PPIP5K2: variants seen among roughly 807,000 people sequenced by gnomAD.
PPIP5K2 encodes diphosphoinositol pentakisphosphate kinase 2.
A neutral mutation model predicts 154.6 loss-of-function variants in PPIP5K2; 105 were observed. That is an observed-to-expected ratio of 0.68 (90% CI 0.58 to 0.80). The LOEUF is 0.80. Ranked by LOEUF, PPIP5K2 falls within the 30% of genes least tolerant of loss-of-function variation. The probability of loss-of-function intolerance (pLI) is 0.00; values close to 1 mark genes in which losing one functional copy is unlikely to be tolerated. For missense variants in PPIP5K2, 992 were observed against 1,504.6 expected, an observed-to-expected ratio of 0.66 and a Z score of 5.64; for synonymous variants, 480 against 490.3, an observed-to-expected ratio of 0.98 and a Z score of 0.28.
At chr5:103,177,018 T>G in intron 21 of PPIP5K2, 1 of 732,688 alleles carries the variant, frequency 1.4e-6, no homozygotes, top group East Asian at 3.1e-5. Context: ...ATGAACTATA[T>G]GATGGTGGGA....
In PPIP5K2 at chr5:103,153,868, T is replaced by C; in HGVS notation, c.1151T>C (p.Ile384Thr). 6.2e-7 allele frequency: 1 copy of C among 1,605,280 alleles called. No homozygotes were observed. The highest frequency in any genetic ancestry group is 1.1e-5 in the South Asian group (1 of 89,636). The change falls in exon 11 of 31, where the codon ATA becomes ACA. Residue 384 changes from isoleucine to threonine, a missense_variant. Around this residue, in one of 9 missense-constraint regions of PPIP5K2, gnomAD observed 163 missense variants for 285.2 expected, o/e 0.57. Coordinates refer to ENST00000358359, the MANE Select transcript of PPIP5K2 (RefSeq NM_001276277.3). ...TTTAGGATGGAACTTAGATGTGTCA[T>C]AGCTGTTATACGTCATGGGGATCGA... Reference protein sequence around the residue: ...SGTMMELRCVIAVIRHGDRTP... With the variant: ...SGTMMELRCVTAVIRHGDRTP...
At chr5:103,198,661 A>T (rs1562517472) in intron 30 of PPIP5K2, among the ~76,000 whole-genome samples, 3 of 152,066 alleles carry the variant, frequency 2.0e-5, no homozygotes, top group African/African-American at 4.8e-5. Context: ...TTTTCTCTTT[A>T]ATTTCCAGTA....
Position 103,177,688 on chromosome 5 carries a change from A to T in PPIP5K2, c.2551A>T (p.Lys851Ter). Reference sequence around the variant, plus strand: ...TCAGGAATCAAAGGATGAACAGTGGAAACGAGCTATGGATTATTTAAACGT... The same window carrying T: ...TCAGGAATCAAAGGATGAACAGTGGTAACGAGCTATGGATTATTTAAACGT... The part of the protein sequence containing the change: ...LCNESKDEQW[K>*]RAMDYLNVVN... Residue 851 changes from lysine (K) to a stop codon, truncating the protein, a stop_gained, in exon 22 of 31, where the codon AAA becomes TAA. Coordinates refer to ENST00000358359, the MANE Select transcript of PPIP5K2 (RefSeq NM_001276277.3). LOFTEE classifies it high-confidence loss of function. The T allele has an allele frequency of 6.2e-7, 1 of 1,609,618 alleles. No homozygotes were observed. Among genetic ancestry groups the T allele is most frequent in the Non-Finnish European group, 8.5e-7 (1 of 1,178,184 alleles).
chr5:103,165,524 A>G (rs1554217564), intron 17 of PPIP5K2, among the ~76,000 whole-genome samples: 1 of 152,104 alleles, frequency 6.6e-6, no homozygotes, highest in African/African-American at 2.4e-5. Flanking sequence ...TGAGGCACTA[A>G]CAAGAGTAAG....
rs1327616493 is a variant in PPIP5K2, at chr5:103,203,162, T to C, written c.*1528T>C. 6.6e-6 allele frequency: 1 copy of C among 152,548 alleles called. No individual in the cohort carries two copies. Among genetic ancestry groups the C allele is most frequent in the Non-Finnish European group, 1.5e-5 (1 of 67,980 alleles). 9.4% of individuals were successfully genotyped at this position (152,548 alleles called of 1,614,324 possible). A position where few individuals can be genotyped will look rare whatever the true frequency, so the allele number is the denominator to read the frequency against. On this transcript the variant is annotated 3_prime_UTR_variant, in exon 31 of 31. Transcript: ENST00000358359. ...CTCACTGTGGAGGTCATAAGGAAGCTACTTTTTTTTTAAAGTGGAACCTAA... is the reference window on the plus strand; with the variant it reads ...CTCACTGTGGAGGTCATAAGGAAGCCACTTTTTTTTTAAAGTGGAACCTAA...
rs78425523 is a variant in PPIP5K2, at chr5:103,210,224, G to A, written c.*8590G>A. The A allele has an allele frequency of 1.3e-5, 2 of 152,216 alleles. No individual in the cohort carries two copies. The highest frequency in any genetic ancestry group is 3.9e-4 in the East Asian group (2 of 5,186). 9.4% of individuals were successfully genotyped at this position (152,216 alleles called of 1,614,324 possible). On this transcript the variant is annotated 3_prime_UTR_variant, in exon 31 of 31. Transcript: ENST00000358359. ...TCAATTCACAACTCAAGGAAAGCAT[G>A]GAGTAATTTCAGAACTCCAGTAAGA...
At chr5:103,182,703 A>G (rs1351161325) in intron 24 of PPIP5K2, among the ~76,000 whole-genome samples, 1 of 152,200 alleles carries the variant, frequency 6.6e-6, no homozygotes, top group Non-Finnish European at 1.5e-5. Context: ...AGTCCATCTT[A>G]TGATTTCTGA....
chr5:103,139,035 G>A (rs543218605), intron 5 of PPIP5K2, among the ~76,000 whole-genome samples: 54 of 152,186 alleles, frequency 3.5e-4, no homozygotes, highest in Non-Finnish European at 6.6e-4. Flanking sequence ...TTTGGTATAC[G>A]AGGGGGTTCC....
intron 5 of PPIP5K2, among the ~76,000 whole-genome samples, chr5:103,140,071 C>T (rs1436342593): frequency 1.3e-5 from 2 of 151,278 alleles, no homozygotes; most frequent in Non-Finnish European, 2.9e-5. Flanking sequence ...CACTTTTCAT[C>T]TTTTTAGCCC....
chr5:103,158,122 A>C, intron 14 of PPIP5K2, 66 bp from the exon 15 acceptor site: 1 of 1,526,346 alleles, frequency 6.6e-7, no homozygotes, highest in Non-Finnish European at 9.0e-7. Flanking sequence ...AGAGAAAAAA[A>C]TGAATCTTAA....
At chr5:103,140,094 G>A (rs782408712) in intron 5 of PPIP5K2, among the ~76,000 whole-genome samples, 5 of 149,362 alleles carry the variant, frequency 3.3e-5, no homozygotes, top group East Asian at 3.9e-4. Context: ...TCCTTTCTTC[G>A]TTTTTCTTTA....
intron 8 of PPIP5K2, among the ~76,000 whole-genome samples, chr5:103,150,360 G>C (rs1554210859): frequency 6.6e-6 from 1 of 152,190 alleles, no homozygotes; most frequent in African/African-American, 2.4e-5. Flanking sequence ...TTAAAATGTA[G>C]ATCAGAAAGT....
Position 103,177,780 on chromosome 5 carries a change from C to G in PPIP5K2, c.2637+6C>G. ...TTTATGAGGATCCTAATAAGGTAAA[C>G]AGAGCTCTTGATTTGTGTTTTACCA... On this transcript the variant is annotated splice_donor_region_variant and intron_variant, in intron 22 of 30. Transcript: ENST00000358359. 1.2e-6 allele frequency: 2 copies of G among 1,601,704 alleles called. No individual in the cohort carries two copies. Among genetic ancestry groups the G allele is most frequent in the Non-Finnish European group, 8.5e-7 (1 of 1,170,280 alleles).
In PPIP5K2 at chr5:103,202,569, G is replaced by C. The variant is rs1803175470; in HGVS notation, c.*935G>C. The C allele has an allele frequency of 2.0e-5, 3 of 152,086 alleles. No individual in the cohort carries two copies. Among genetic ancestry groups the C allele is most frequent in the Admixed American group, 6.6e-5 (1 of 15,264 alleles). The allele number at this position is 152,086 out of a possible 1,614,324, so 9.4% of individuals were successfully genotyped here. ...AACCATTTCCATTCTTATCCCTAGTGTATCAGTTGATCACACTAAGAAAGC... is the reference window on the plus strand; with the variant it reads ...AACCATTTCCATTCTTATCCCTAGTCTATCAGTTGATCACACTAAGAAAGC... On this transcript the variant is annotated 3_prime_UTR_variant, in exon 31 of 31. Coordinates refer to ENST00000358359, the MANE Select transcript of PPIP5K2 (RefSeq NM_001276277.3).
At position 103,120,307 on chromosome 5, in the gene PPIP5K2, G is replaced by C. The variant is rs1490561633; in HGVS notation, c.-466G>C. ...TGACGGAGATTCCTGAGGTGTAGTA[G>C]CCTGAGGTTCCCTTATGTGGCCCTA... On this transcript the variant is annotated 5_prime_UTR_variant, in exon 1 of 31. Coordinates refer to ENST00000358359, the MANE Select transcript of PPIP5K2 (RefSeq NM_001276277.3). The C allele has an allele frequency of 2.4e-6, 1 of 411,072 alleles. No individual in the cohort carries two copies. The highest frequency in any genetic ancestry group is 5.0e-6 in the Non-Finnish European group (1 of 199,952). 25.5% of individuals were successfully genotyped at this position (411,072 alleles called of 1,614,324 possible).
chr5:103,169,346 A>C (rs1285339703), intron 19 of PPIP5K2, among the ~76,000 whole-genome samples: 1 of 151,796 alleles, frequency 6.6e-6, no homozygotes, highest in Non-Finnish European at 1.5e-5. Context: ...GAAAGCAGGA[A>C]AATATTAAAT....
intron 5 of PPIP5K2, among the ~76,000 whole-genome samples, chr5:103,141,307 T>C (rs1310402139): frequency 6.6e-6 from 1 of 152,046 alleles, no homozygotes; most frequent in African/African-American, 2.4e-5. Flanking sequence ...GTTTCTTCCT[T>C]CTGGTGGGTT....
In PPIP5K2 at chr5:103,211,145, A is replaced by G. The variant is rs1470380687; in HGVS notation, c.*9511A>G. 6.6e-6 allele frequency: 1 copy of G among 152,064 alleles called. No homozygotes were observed. Among genetic ancestry groups the G allele is most frequent in the Non-Finnish European group, 1.5e-5 (1 of 67,956 alleles). The allele number at this position is 152,064 out of a possible 1,614,324, so 9.4% of individuals were successfully genotyped here. On this transcript the variant is annotated 3_prime_UTR_variant, in exon 31 of 31. Coordinates refer to ENST00000358359, the MANE Select transcript of PPIP5K2 (RefSeq NM_001276277.3). ...TAAAGTGAGATCTGGGTTCTGACCTATCTCTTACAGTCCATAATGTTGTGA... is the reference window on the plus strand; with the variant it reads ...TAAAGTGAGATCTGGGTTCTGACCTGTCTCTTACAGTCCATAATGTTGTGA...
intron 5 of PPIP5K2, among the ~76,000 whole-genome samples, chr5:103,141,055 C>T (rs1476709575): frequency 5.3e-5 from 8 of 151,912 alleles, no homozygotes; most frequent in South Asian, 2.1e-4. Flanking sequence ...TCATCTGGGC[C>T]GGGTGCAGTG....
Sources: gnomAD v4.1 joint callset for allele counts (sites outside exome capture counted in the v4.1 genomes callset) on GRCh38, gnomAD v4.1.1 for gene constraint, gnomAD v4.1.1 regional missense constraint, MANE v1.5 for transcripts, NCBI Gene and HGNC (gene_info 2026-07-23, HGNC 2026-07-21) for gene names.